Variants in RANBP2 observed in about 807,000 individuals in gnomAD.
RANBP2 encodes the protein RAN binding protein 2, also known as E3 SUMO-protein ligase RanBP2.
A neutral mutation model predicts 303.6 loss-of-function variants in RANBP2; 57 were observed. The ratio of observed to expected loss-of-function variants is 0.19; its 90% CI spans 0.15 to 0.23. The LOEUF is 0.23. Among genes scored for constraint, RANBP2 ranks in the 10% least tolerant of loss-of-function variants. RANBP2 has a pLI of 1.00. For synonymous variants in RANBP2, 1,167 were observed against 1,301.5 expected (o/e 0.90, Z 2.23); for missense variants, 3,138 against 3,780.8 (o/e 0.83, Z 4.46).
chr2:108,776,094 T>C (rs1677874845), intron 24 of RANBP2, among the ~76,000 whole-genome samples, 158 bp downstream of exon 24: 1 of 152,104 alleles, frequency 6.6e-6, no homozygotes, highest in Admixed American at 6.5e-5. Context: ...ACCAGAAAAA[T>C]TATACTGTGT....
intron 17 of RANBP2, among the ~76,000 whole-genome samples, chr2:108,755,498 T>C (rs1332212131): frequency 6.6e-6 from 1 of 151,858 alleles, no homozygotes. Context: ...CAAGAGAGGC[T>C]CTTGGCTCAG....
chr2:108,781,173 ACAT>A (rs1301867775), intron 25 of RANBP2, 93 bp from the exon 26 acceptor site: 1 of 1,199,640 alleles, frequency 8.3e-7, no homozygotes, highest in Admixed American at 1.8e-5. Context: ...TGTACATATT[ACAT>A]CATCAGGAAT....
intron 15 of RANBP2, among the ~76,000 whole-genome samples, chr2:108,754,616 A>AG (rs1355731908): frequency 6.6e-6 from 1 of 151,792 alleles, no homozygotes; most frequent in East Asian, 1.9e-4. Flanking sequence ...CATGGTTAAC[A>AG]GAAGTAATAG....
the RANBP2 span, among the ~76,000 whole-genome samples, chr2:108,876,970 G>C: frequency 6.6e-6 from 1 of 152,152 alleles, no homozygotes; most frequent in Non-Finnish European, 1.5e-5. Flanking sequence ...ACTTAGGACA[G>C]GATACTGAGA....
the RANBP2 span, among the ~76,000 whole-genome samples, chr2:109,225,315 G>T: frequency 6.6e-6 from 1 of 152,220 alleles, no homozygotes; most frequent in East Asian, 1.9e-4. Context: ...GTACTCAGCT[G>T]GGTGGAGAGA....
intron 23 of RANBP2, among the ~76,000 whole-genome samples, chr2:108,773,720 C>G (rs968486156): frequency 6.6e-6 from 1 of 151,528 alleles, no homozygotes; most frequent in South Asian, 2.1e-4. Context: ...GATCTCTGCT[C>G]GCTGCAACCT....
the RANBP2 span, among the ~76,000 whole-genome samples, chr2:109,392,517 T>C: frequency 6.7e-6 from 1 of 149,420 alleles, no homozygotes; most frequent in Non-Finnish European, 1.5e-5. Flanking sequence ...TGCTTCTTCT[T>C]TTTTTTTTTG....
chr2:109,527,891 C>T, the RANBP2 span, among the ~76,000 whole-genome samples: 16 of 152,258 alleles, frequency 1.1e-4, no homozygotes, highest in Admixed American at 6.5e-4. Flanking sequence ...GTGGAAATAA[C>T]GACTGAGGAG....
At chr2:109,003,504 G>A in the RANBP2 span, among the ~76,000 whole-genome samples, 64 of 151,708 alleles carry the variant, frequency 4.2e-4, no homozygotes, top group Non-Finnish European at 6.2e-4. Flanking sequence ...TCCGTCTCCT[G>A]GGTTCACGTG....
the RANBP2 span, among the ~76,000 whole-genome samples, chr2:109,514,839 G>A: frequency 2.6e-5 from 4 of 152,264 alleles, no homozygotes; most frequent in South Asian, 2.1e-4. Flanking sequence ...CCCTGGGCAC[G>A]GCGGTCACTT....
chr2:109,585,162 G>A, the RANBP2 span: 1 of 1,603,888 alleles, frequency 6.2e-7, no homozygotes, highest in Non-Finnish European at 8.5e-7. Context: ...AAATCCCACT[G>A]TATTCACAAT....
At chr2:109,420,283 A>T in the RANBP2 span, among the ~76,000 whole-genome samples, 1 of 152,206 alleles carries the variant, frequency 6.6e-6, no homozygotes, top group African/African-American at 2.4e-5. Context: ...GGCAGAGCTC[A>T]GTCACTTGAA....
At chr2:109,166,806 C>T in the RANBP2 span, among the ~76,000 whole-genome samples, 1 of 152,146 alleles carries the variant, frequency 6.6e-6, no homozygotes, top group African/African-American at 2.4e-5. Flanking sequence ...ACTGTAAGTA[C>T]AAAACTATAC....
At chr2:109,437,370 C>G in the RANBP2 span, among the ~76,000 whole-genome samples, 1 of 151,132 alleles carries the variant, frequency 6.6e-6, no homozygotes, top group Admixed American at 6.6e-5. Context: ...GTAAGCACAT[C>G]TTGTCATGCT....
At chr2:109,378,957 T>C in the RANBP2 span, among the ~76,000 whole-genome samples, 1 of 152,080 alleles carries the variant, frequency 6.6e-6, no homozygotes, top group South Asian at 2.1e-4. Context: ...TCTCTACAGC[T>C]CCCTCCTCTC....
At chr2:109,006,298 A>G in the RANBP2 span, among the ~76,000 whole-genome samples, 1 of 151,936 alleles carries the variant, frequency 6.6e-6, no homozygotes, top group South Asian at 2.1e-4. Flanking sequence ...GATTCAAGCA[A>G]TTCTCCTGCC....
At chr2:109,032,978 G>A in the RANBP2 span, among the ~76,000 whole-genome samples, 1 of 152,200 alleles carries the variant, frequency 6.6e-6, no homozygotes, top group Admixed American at 6.5e-5. Context: ...TCATGGCAGG[G>A]TGAAATATAA....
the RANBP2 span, among the ~76,000 whole-genome samples, chr2:109,518,296 C>T: frequency 6.6e-6 from 1 of 152,226 alleles, no homozygotes; most frequent in Non-Finnish European, 1.5e-5. Context: ...AGGGCATCAG[C>T]TGTGTTAACT....
chr2:109,044,190 T>C, the RANBP2 span, among the ~76,000 whole-genome samples: 2 of 152,230 alleles, frequency 1.3e-5, no homozygotes, highest in African/African-American at 2.4e-5. Flanking sequence ...CATGACATTA[T>C]ATCTCATTAT....
Sources: allele counts gnomAD v4.1 joint callset (sites outside exome capture counted in the v4.1 genomes callset), GRCh38; gene constraint gnomAD v4.1.1; transcripts MANE v1.5; gene names NCBI Gene and HGNC (gene_info 2026-07-23, HGNC 2026-07-21).